Variants in SEMA6D observed in about 807,000 individuals in gnomAD.
The protein encoded by SEMA6D is semaphorin-6D.
A neutral mutation model predicts 106.6 loss-of-function variants in SEMA6D; 35 were observed. The observed-to-expected ratio is 0.33, with a 90% CI of 0.25 to 0.44. The LOEUF (loss-of-function observed/expected upper bound fraction) is 0.44. Among genes scored for constraint, SEMA6D ranks in the 20% least tolerant of loss-of-function variants. The pLI is 1.00. For missense variants in SEMA6D, 1,185 were observed against 1,345.9 expected (o/e 0.88, Z 1.87); for synonymous variants, 499 against 487.7 (o/e 1.02, Z -0.31).
chr15:47,467,164 C>T (rs2141116397), intron 2 of SEMA6D, among the ~76,000 whole-genome samples: 1 of 152,138 alleles, frequency 6.6e-6, no homozygotes, highest in Middle Eastern at 3.4e-3. Flanking sequence ...GAAATGAGAA[C>T]ATGAAGACCT....
intron 1 of SEMA6D, among the ~76,000 whole-genome samples, chr15:47,740,518 C>CA (rs979887196): frequency 3.9e-5 from 6 of 152,020 alleles, no homozygotes; most frequent in Non-Finnish European, 5.9e-5. Flanking sequence ...GACTCCGTCT[C>CA]AAAAAACAAA....
chr15:47,739,590 G>T (rs1379347040), intron 1 of SEMA6D, among the ~76,000 whole-genome samples: 1 of 152,204 alleles, frequency 6.6e-6, no homozygotes, highest in African/African-American at 2.4e-5. Context: ...ATGTACACTG[G>T]CAAGATGCTT....
intron 4 of SEMA6D, among the ~76,000 whole-genome samples, chr15:47,627,277 A>G (rs2077219405): frequency 1.3e-5 from 2 of 152,174 alleles, no homozygotes; most frequent in Admixed American, 6.6e-5. Context: ...TCCATCTCAA[A>G]TGCTGCTTTG....
intron 4 of SEMA6D, among the ~76,000 whole-genome samples, chr15:47,655,689 T>C (rs1399936554): frequency 6.6e-6 from 1 of 152,238 alleles, no homozygotes; most frequent in African/African-American, 2.4e-5. Context: ...TAATGTGTTC[T>C]TGAAGCTCTC....
At chr15:47,684,729 A>G (rs1210357786) in intron 4 of SEMA6D, among the ~76,000 whole-genome samples, 1 of 152,248 alleles carries the variant, frequency 6.6e-6, no homozygotes, top group Non-Finnish European at 1.5e-5. Flanking sequence ...AACTTTTAAA[A>G]TGGTAATTCC....
intron 1 of SEMA6D, among the ~76,000 whole-genome samples, chr15:47,729,442 A>G (rs2079975297): frequency 6.6e-6 from 1 of 152,150 alleles, no homozygotes; most frequent in Non-Finnish European, 1.5e-5. Flanking sequence ...GGGCCAAGGG[A>G]CCACTTTGGA....
chr15:47,254,072 G>A (rs939063388), intron 1 of SEMA6D, among the ~76,000 whole-genome samples: 4 of 150,902 alleles, frequency 2.7e-5, no homozygotes, highest in Admixed American at 6.6e-5. Flanking sequence ...TTTCACCTCC[G>A]TGGTTAAATT....
intron 1 of SEMA6D, among the ~76,000 whole-genome samples, chr15:47,294,486 T>C (rs1231447524): frequency 6.6e-6 from 1 of 152,186 alleles, no homozygotes; most frequent in East Asian, 1.9e-4. Context: ...CCTCCCAAAG[T>C]ATTGGGATTA....
chr15:47,604,270 G>A (rs759138139), intron 4 of SEMA6D: 1 of 152,162 alleles, frequency 6.6e-6, no homozygotes, highest in Non-Finnish European at 1.5e-5. Flanking sequence ...CAAGTTTGTG[G>A]ACTAAAGCTT....
intron 4 of SEMA6D, among the ~76,000 whole-genome samples, chr15:47,668,138 G>C (rs558312789): frequency 1.2e-3 from 188 of 152,208 alleles, no homozygotes; most frequent in South Asian, 0.011. Flanking sequence ...TTATCTCTAA[G>C]ATTACTTAAA....
chr15:47,512,648 AG>A (rs1225419377), intron 3 of SEMA6D, among the ~76,000 whole-genome samples: 1 of 152,234 alleles, frequency 6.6e-6, no homozygotes, highest in Non-Finnish European at 1.5e-5. Flanking sequence ...AATCCTGGAC[AG>A]GTTACCAAAT....
At chr15:47,384,437 G>T (rs916701637) in intron 1 of SEMA6D, among the ~76,000 whole-genome samples, 2 of 152,156 alleles carry the variant, frequency 1.3e-5, no homozygotes, top group African/African-American at 4.8e-5. Context: ...GTTTGCCTTT[G>T]AAAGGATTTC....
intron 4 of SEMA6D, among the ~76,000 whole-genome samples, chr15:47,647,634 C>T (rs758538146): frequency 7.9e-5 from 12 of 151,752 alleles, no homozygotes; most frequent in Non-Finnish European, 1.3e-4. Context: ...AAACTAAATT[C>T]GCATATTTTG....
intron 1 of SEMA6D, among the ~76,000 whole-genome samples, chr15:47,254,874 T>TG (rs1301945832): frequency 6.3e-4 from 81 of 128,226 alleles, no homozygotes; most frequent in Middle Eastern, 7.4e-3. Flanking sequence ...GACCTGTGGT[T>TG]TTGTGTGTGT....
intron 3 of SEMA6D, among the ~76,000 whole-genome samples, chr15:47,471,904 T>TTCTCTC (rs375802887): frequency 1.3e-3 from 165 of 123,696 alleles, no homozygotes; most frequent in African/African-American, 3.2e-3. Context: ...GCTGTGCTCT[T>TTCTCTC]TCTCTCTCTC....
At chr15:47,225,816 C>T (rs1428180040) in intron 1 of SEMA6D, among the ~76,000 whole-genome samples, 4 of 152,030 alleles carry the variant, frequency 2.6e-5, no homozygotes, top group Non-Finnish European at 5.9e-5. Flanking sequence ...AGGCGTGAGC[C>T]ACCGCGCCCA....
chr15:47,407,091 G>A (rs529508452), intron 1 of SEMA6D, among the ~76,000 whole-genome samples: 2 of 152,062 alleles, frequency 1.3e-5, no homozygotes, highest in Non-Finnish European at 2.9e-5. Flanking sequence ...GCCGGGCCGG[G>A]GGGTGGCTCA....
At chr15:47,557,765 A>G (rs2045956000) in intron 3 of SEMA6D, among the ~76,000 whole-genome samples, 1 of 152,206 alleles carries the variant, frequency 6.6e-6, no homozygotes, top group Admixed American at 6.6e-5. Flanking sequence ...ATTGAAGTAT[A>G]TTAACATCTC....
rs1895286697 is a variant in SEMA6D, at chr15:47,208,843, A to G, written c.-239+24425A>G. On this transcript the variant is annotated intron_variant, in intron 1 of 19. Transcript: ENST00000558014. ...ATCTTTGGGCTTAGTATTTTCACTG[A>G]TAAATAAGATTGGGTTGACCTCTTG... Among the ~76,000 whole-genome samples the G allele has an allele frequency of 2.6e-5, 4 of 152,274 alleles. No individual in the cohort carries two copies. In the South Asian group the frequency reaches 8.3e-4, roughly 32 times the overall value.
Sources: allele counts gnomAD v4.1 joint callset (sites outside exome capture counted in the v4.1 genomes callset), GRCh38; gene constraint gnomAD v4.1.1; transcripts MANE v1.5; gene names NCBI Gene and HGNC (gene_info 2026-07-23, HGNC 2026-07-21).